The following MGST1 variants were observed in gnomAD, a reference collection of about 807,000 sequenced individuals.
MGST1 encodes the protein microsomal glutathione S-transferase 1, also known as glutathione S-transferase 12.
MGST1 carries 5 observed loss-of-function variants against 8.9 expected under a neutral mutation model. The ratio of observed to expected loss-of-function variants is 0.56; its 90% confidence interval spans 0.29 to 1.19. The LOEUF (loss-of-function observed/expected upper bound fraction) is 1.19. Among genes scored for constraint, MGST1 ranks in the 50% most tolerant of loss-of-function variants. MGST1 has a pLI of 0.08. For missense variants in MGST1, 182 were observed against 187.4 expected (o/e 0.97, Z 0.17); for synonymous variants, 54 against 67.8 (o/e 0.80, Z 1.00).
At chr12:16,411,843 C>T (rs1370074635) in intron 1 of MGST1, among the ~76,000 whole-genome samples, 1 of 152,004 alleles carries the variant, frequency 6.6e-6, no homozygotes, top group Non-Finnish European at 1.5e-5. Flanking sequence ...ATCATGTCTG[C>T]CTTAATATTC....
chr12:16,467,043 A>G (rs981044211), intron 4 of MGST1, among the ~76,000 whole-genome samples: 4 of 149,524 alleles, frequency 2.7e-5, no homozygotes, highest in African/African-American at 9.7e-5. Flanking sequence ...AGCAGCACAG[A>G]CAGTGTTCTT....
chr12:16,560,261 A>G lies in MGST1; in HGVS notation n.483-29267A>G. On this transcript the variant is annotated intron_variant and non_coding_transcript_variant, in intron 4 of 4. Transcript: ENST00000538857. The surrounding 1 kb of genome is among the most constrained non-coding windows in gnomAD (Gnocchi z 5.0). ...TCTTAAGACCTTTCTTCTCCTTAGT[A>G]GCTTGTCTCTGGCATGGGATTAAAG... The G allele has an allele frequency of 1.4e-6, 1 of 723,678 alleles. No homozygotes were observed. The highest frequency in any genetic ancestry group is 2.8e-5 in the South Asian group (1 of 35,242). 44.8% of individuals were successfully genotyped at this position (723,678 alleles called of 1,614,324 possible).
At chr12:16,443,458 T>G (rs1990698), downstream of MGST1, among the ~76,000 whole-genome samples, 96,347 of 151,312 alleles carry the variant, frequency 0.64, 30,908 homozygotes, top group East Asian at 0.81. Context: ...TAGTAAAATA[T>G]TTTTGTTCTT....
intron 4 of MGST1, among the ~76,000 whole-genome samples, chr12:16,575,256 A>G (rs1192506605): frequency 2.0e-5 from 3 of 152,162 alleles, no homozygotes; most frequent in Non-Finnish European, 4.4e-5. Flanking sequence ...AGCTTTGTTT[A>G]TCTTCAAAAA....
At chr12:16,423,554 C>A (rs1373633740) in intron 1 of MGST1, among the ~76,000 whole-genome samples, 1 of 151,018 alleles carries the variant, frequency 6.6e-6, no homozygotes, top group Non-Finnish European at 1.5e-5. Flanking sequence ...AACCTATGTA[C>A]AAAAAAAATC....
rs1442270754 is a variant in MGST1, at chr12:16,576,198, T to A, written n.483-13330T>A. Reference sequence around the variant, plus strand: ...GCCGGTAGCCTTTCTATAACACAGCTCCAACCCATTGATCCTGCTTATAAC... The same window carrying A: ...GCCGGTAGCCTTTCTATAACACAGCACCAACCCATTGATCCTGCTTATAAC... On this transcript the variant is annotated intron_variant and non_coding_transcript_variant, in intron 4 of 4. Transcript: ENST00000538857. This position sits in a 1 kb window ranked among gnomAD's most constrained non-coding sequence, Gnocchi z 4.1. Among the ~76,000 whole-genome samples the A allele has an allele frequency of 2.0e-5, 3 of 152,156 alleles. No homozygotes were observed. The highest frequency in any genetic ancestry group is 4.4e-5 in the Non-Finnish European group (3 of 68,032).
chr12:16,397,667 C>T (rs958348988), intron 1 of MGST1, among the ~76,000 whole-genome samples: 4 of 151,224 alleles, frequency 2.6e-5, no homozygotes, highest in South Asian at 2.1e-4. Flanking sequence ...GAATGGCCAA[C>T]AAACATCTGA....
intron 4 of MGST1, among the ~76,000 whole-genome samples, chr12:16,535,565 C>T (rs1028387083): frequency 2.0e-5 from 3 of 152,162 alleles, no homozygotes; most frequent in Non-Finnish European, 2.9e-5. Context: ...CAGTTACATG[C>T]AGGAAAATAC....
chr12:16,349,551 G>A (rs1044898171), intron 1 of MGST1, among the ~76,000 whole-genome samples: 5 of 151,964 alleles, frequency 3.3e-5, no homozygotes, highest in Non-Finnish European at 7.4e-5. Flanking sequence ...CTACTTTTCT[G>A]GGCCTTAATT....
intron 4 of MGST1, among the ~76,000 whole-genome samples, chr12:16,581,358 C>G (rs1943152127): frequency 6.6e-6 from 1 of 152,138 alleles, no homozygotes; most frequent in Non-Finnish European, 1.5e-5. Context: ...GCCTTCTTCT[C>G]TAAAATGGGT....
intron 3 of MGST1, among the ~76,000 whole-genome samples, chr12:16,358,262 G>T (rs533611273): frequency 2.6e-5 from 4 of 152,128 alleles, no homozygotes; most frequent in East Asian, 3.9e-4. Context: ...CATAGTACCC[G>T]TTAGTTTTTC....
chr12:16,424,050 A>G (rs552801177), intron 1 of MGST1, among the ~76,000 whole-genome samples: 1 of 152,334 alleles, frequency 6.6e-6, no homozygotes, highest in East Asian at 1.9e-4. Flanking sequence ...TTTTATGGCT[A>G]TGTGTCTTTC....
downstream of MGST1, among the ~76,000 whole-genome samples, chr12:16,366,628 TACAC>T (rs374809283): frequency 2.0e-3 from 164 of 83,928 alleles, 1 homozygote; most frequent in African/African-American, 9.3e-3. This position sits in a 1 kb window ranked among gnomAD's most constrained non-coding sequence, Gnocchi z 4.0. Context: ...TATCTGTGTG[TACAC>T]ACACACACAC....
At position 16,512,801 on chromosome 12, in the gene MGST1, T is replaced by C. The variant is rs1191598959; in HGVS notation, n.483-76727T>C. Among the ~76,000 whole-genome samples the C allele has an allele frequency of 2.0e-5, 3 of 152,368 alleles. No individual in the cohort carries two copies. In the East Asian group the frequency reaches 5.8e-4, roughly 29 times the overall value. ...GGGCAATTTGCATATAGCACTGAGATACAGTATCTCTATTTTTTCATTAGG... is the reference window on the plus strand; with the variant it reads ...GGGCAATTTGCATATAGCACTGAGACACAGTATCTCTATTTTTTCATTAGG... On this transcript the variant is annotated intron_variant and non_coding_transcript_variant, in intron 4 of 4. Transcript: ENST00000538857.
chr12:16,527,840 C>G (rs1941697162), intron 4 of MGST1, among the ~76,000 whole-genome samples: 1 of 151,972 alleles, frequency 6.6e-6, no homozygotes, highest in African/African-American at 2.4e-5. Flanking sequence ...CCTTTATTGT[C>G]TGGCCCAGAG....
chr12:16,531,207 GGAGGGTCTAT>G lies in MGST1; in HGVS notation n.483-58318_483-58309del, dbSNP rs1941720966. ...AGTAATGATCATGGTGAGTGGAGTA[GGAGGGTCTAT>G]GATCCCTTCTAACCAAAAAACCTAA... is the stretch of plus-strand genomic sequence containing the variant. On this transcript the variant is annotated intron_variant and non_coding_transcript_variant, in intron 4 of 4. Coordinates refer to the MGST1 transcript ENST00000538857. Among the ~76,000 whole-genome samples the G allele has an allele frequency of 5.5e-5, 8 of 145,910 alleles. 1 individual carries two copies. In the South Asian group the frequency reaches 1.8e-3, roughly 32 times the overall value.
chr12:16,351,000 A>AT (rs559310460), intron 1 of MGST1, among the ~76,000 whole-genome samples: 83 of 152,014 alleles, frequency 5.5e-4, no homozygotes, highest in African/African-American at 2.0e-3. Flanking sequence ...GGAGGCTGCC[A>AT]TTTTTTTCTC....
chr12:16,592,256 A>G (rs1050157923), downstream of MGST1, among the ~76,000 whole-genome samples: 1 of 152,048 alleles, frequency 6.6e-6, no homozygotes, highest in Admixed American at 6.6e-5. Flanking sequence ...GTAATCATAA[A>G]CACAAACCCC....
At chr12:16,565,560 A>C (rs1942570949) in intron 4 of MGST1, among the ~76,000 whole-genome samples, 1 of 152,210 alleles carries the variant, frequency 6.6e-6, no homozygotes, top group South Asian at 2.1e-4. Context: ...AAAAGTAAAA[A>C]AGAAAACACT....
Sources: gnomAD v4.1 joint callset for allele counts (sites outside exome capture counted in the v4.1 genomes callset) on GRCh38, gnomAD v4.1.1 for gene constraint, Gnocchi (gnomAD v3.1) non-coding constraint, MANE v1.5 for transcripts, NCBI Gene and HGNC (gene_info 2026-07-23, HGNC 2026-07-21) for gene names.